ZC3H12B: variants seen among roughly 807,000 people sequenced by gnomAD.
ZC3H12B encodes probable ribonuclease ZC3H12B.
In ZC3H12B, 7 loss-of-function variants were observed where a neutral mutation model predicts 43.9. The ratio of observed to expected loss-of-function variants is 0.16; its 90% CI spans 0.09 to 0.30. ZC3H12B has a LOEUF of 0.30. Among genes scored for constraint, ZC3H12B ranks in the 10% least tolerant of loss-of-function variants. The pLI is 1.00. For missense variants in ZC3H12B, 475 were observed against 670.2 expected (o/e 0.71, Z 3.22); for synonymous variants, 222 against 241.7 (o/e 0.92, Z 0.76).
At chrX:65,321,733 T>C in the ZC3H12B span, among the ~76,000 whole-genome samples, 550 of 109,798 alleles carry the variant, frequency 5.0e-3, 2 homozygotes, top group African/African-American at 0.016. Flanking sequence ...TGAGAACATG[T>C]CCTTTGCAGG....
chrX:65,129,252 TATATGTATATATATATATATAC>T, the ZC3H12B span, among the ~76,000 whole-genome samples: 1 of 88,993 alleles, frequency 1.1e-5, no homozygotes, highest in Non-Finnish European at 1.9e-5. Flanking sequence ...TATGTGTGTA[TATATGTATATATATATATATAC>T]ATATATACAC....
In ZC3H12B at chrX:65,406,556, TCGGGGCTGAA is replaced by T. The variant is rs1462718786; in HGVS notation, n.407+7861_407+7870del. On this transcript the variant is annotated intron_variant and non_coding_transcript_variant, in intron 3 of 5. Transcript: ENST00000617377. ...CTGCGGGCTAGCGTCCCCCGCCCGATCGGGGCTGAACGGGGCTGGGCGGGGCTGGGCGGGG... is the reference window on the plus strand; with the variant it reads ...CTGCGGGCTAGCGTCCCCCGCCCGATCGGGGCTGGGCGGGGCTGGGCGGGG... 8.7e-3 allele frequency among the ~76,000 whole-genome samples: 572 copies of T among 65,711 alleles called. 11 individuals are homozygous for T. Among genetic ancestry groups the T allele is most frequent in the African/African-American group, 0.069 (530 of 7,727 alleles). 57.1% of individuals were successfully genotyped at this position (65,711 alleles called of 115,157 possible).
the ZC3H12B span, among the ~76,000 whole-genome samples, chrX:65,231,110 G>A: frequency 9.0e-6 from 1 of 111,099 alleles, no homozygotes; most frequent in East Asian, 2.8e-4. Flanking sequence ...TTTTACAACT[G>A]GGCCTCCGGA....
the ZC3H12B span, among the ~76,000 whole-genome samples, chrX:65,225,280 C>T: frequency 5.3e-5 from 6 of 112,402 alleles, no homozygotes; most frequent in Admixed American, 5.6e-4. Flanking sequence ...TGGAGTGGAC[C>T]TCCAGCAAAC....
At chrX:65,454,538 A>T (rs904051505) in intron 3 of ZC3H12B, among the ~76,000 whole-genome samples, 3 of 111,521 alleles carry the variant, frequency 2.7e-5, no homozygotes, top group African/African-American at 9.8e-5. Flanking sequence ...GACTCTGTAG[A>T]CTCCACCTCT....
chrX:65,421,821 C>A (rs1158249014), intron 3 of ZC3H12B, among the ~76,000 whole-genome samples: 1 of 110,555 alleles, frequency 9.0e-6, no homozygotes, highest in African/African-American at 3.3e-5. Context: ...TGGTGGCGGG[C>A]ATCTGTAGTC....
chrX:65,252,705 C>G, the ZC3H12B span, among the ~76,000 whole-genome samples: 1 of 111,735 alleles, frequency 8.9e-6, no homozygotes, highest in African/African-American at 3.3e-5. Flanking sequence ...TTACATTGAT[C>G]TAATACAGAT....
the ZC3H12B span, among the ~76,000 whole-genome samples, chrX:65,066,148 C>T: frequency 1.8e-5 from 2 of 110,134 alleles, no homozygotes; most frequent in Non-Finnish European, 3.8e-5. Context: ...TCTGTCAGTT[C>T]GTCAAACTAA....
At chrX:65,049,454 C>T in the ZC3H12B span, among the ~76,000 whole-genome samples, 11 of 111,441 alleles carry the variant, frequency 9.9e-5, no homozygotes, top group Non-Finnish European at 1.9e-4. Context: ...GTAGTCTTGG[C>T]ACCATTGTTG....
chrX:65,082,396 A>C, the ZC3H12B span, among the ~76,000 whole-genome samples: 1 of 111,858 alleles, frequency 8.9e-6, no homozygotes, highest in African/African-American at 3.2e-5. Flanking sequence ...AAAAGGAGAG[A>C]AGATACTAAT....
the ZC3H12B span, among the ~76,000 whole-genome samples, chrX:65,222,327 A>G: frequency 9.0e-6 from 1 of 110,882 alleles, no homozygotes; most frequent in Non-Finnish European, 1.9e-5. Context: ...TCTATTCAAC[A>G]CAGTAGTAGA....
chrX:65,227,083 T>C, the ZC3H12B span, among the ~76,000 whole-genome samples: 2 of 111,444 alleles, frequency 1.8e-5, no homozygotes, highest in African/African-American at 6.5e-5. Flanking sequence ...ATATACATTT[T>C]TTTCAGCACC....
At chrX:65,158,822 G>C in the ZC3H12B span, among the ~76,000 whole-genome samples, 1 of 111,800 alleles carries the variant, frequency 8.9e-6, no homozygotes, top group Admixed American at 9.5e-5. Flanking sequence ...ATTGCTTTTG[G>C]TGTTTTAGAC....
the ZC3H12B span, among the ~76,000 whole-genome samples, chrX:65,213,419 C>G: frequency 9.0e-6 from 1 of 111,316 alleles, no homozygotes; most frequent in African/African-American, 3.3e-5. Flanking sequence ...TCACTTGGCT[C>G]ATAGGGTATA....
At chrX:65,324,573 A>G in the ZC3H12B span, among the ~76,000 whole-genome samples, 5 of 111,391 alleles carry the variant, frequency 4.5e-5, no homozygotes, top group Non-Finnish European at 9.4e-5. Context: ...TTGCCCATGA[A>G]CATATTTAAT....
the ZC3H12B span, among the ~76,000 whole-genome samples, chrX:65,160,175 T>C: frequency 1.8e-5 from 2 of 112,071 alleles, no homozygotes; most frequent in Admixed American, 9.5e-5. Context: ...CAGTATTTTA[T>C]TGAGGATTTT....
chrX:65,093,620 T>A, the ZC3H12B span, among the ~76,000 whole-genome samples: 1 of 112,120 alleles, frequency 8.9e-6, no homozygotes, highest in African/African-American at 3.2e-5. Context: ...CCCTGCTGGG[T>A]TTTGGACTTG....
chrX:65,499,317 G>A, intron 3 of ZC3H12B, 84 bp downstream of exon 8: 1 of 756,907 alleles, frequency 1.3e-6, no homozygotes, highest in Non-Finnish European at 1.9e-6. Flanking sequence ...AACACTTACT[G>A]TGTATCATAC....
chrX:65,073,823 G>A, the ZC3H12B span, among the ~76,000 whole-genome samples: 1 of 111,636 alleles, frequency 9.0e-6, no homozygotes, highest in East Asian at 2.8e-4. Flanking sequence ...AGAGTTGTTG[G>A]AGGCCAAGAA....
Sources: gnomAD v4.1 joint callset for allele counts (sites outside exome capture counted in the v4.1 genomes callset) on GRCh38, gnomAD v4.1.1 for gene constraint, MANE v1.5 for transcripts, NCBI Gene and HGNC (gene_info 2026-07-23, HGNC 2026-07-21) for gene names.